ZNF638: variants seen among roughly 807,000 people sequenced by gnomAD.
ZNF638 encodes CTCL tumor antigen se33-1.
In ZNF638, 46 loss-of-function variants were observed where a neutral mutation model predicts 195.6. The ratio of observed to expected loss-of-function variants is 0.24; its 90% CI spans 0.19 to 0.30. The LOEUF is 0.30. ZNF638 is among the 10% of genes least tolerant of loss of function. The pLI is 1.00. For missense variants in ZNF638, 2,440 were observed against 2,325.3 expected, an observed-to-expected ratio of 1.05 and a Z score of -1.01; for synonymous variants, 845 against 772.0, an observed-to-expected ratio of 1.09 and a Z score of -1.57.
chr2:71,368,435 A>G lies in ZNF638; in HGVS notation c.2049A>G (p.Leu683=). 1.9e-5 allele frequency: 30 copies of G among 1,613,662 alleles called. No individual in the cohort carries two copies. Among genetic ancestry groups the G allele is most frequent in the Non-Finnish European group, 2.5e-5 (30 of 1,179,774 alleles). Residue 683 remains leucine, a synonymous_variant, in exon 7 of 28, where the codon TTA becomes TTG. Transcript: ENST00000264447. ...GTTCGGTTCTTCTTATAACTGAATTACCAGAGGATGGTTGTACTGAAGAAG... is the reference window on the plus strand; with the variant it reads ...GTTCGGTTCTTCTTATAACTGAATTGCCAGAGGATGGTTGTACTGAAGAAG... ...HYGSVLLITE[L]PEDGCTEEDV...
In ZNF638 at chr2:71,383,781, T is replaced by TTTTA. The variant is rs1491474933; in HGVS notation, c.2377+3216_2377+3217insTTTA. 1.8e-5 allele frequency among the ~76,000 whole-genome samples: 2 copies of TTTTA among 108,112 alleles called. 1 individual carries two copies. 70.9% of individuals were successfully genotyped at this position (108,112 alleles called of 152,430 possible). ...CTTTTTCTTTTTTTTTTTTTTTTTT[T>TTTTA]AGTAGAGATGGGGTTTCACCTTGTT... is the stretch of plus-strand genomic sequence containing the variant. On this transcript the variant is annotated intron_variant, in intron 10 of 27. Coordinates refer to ENST00000264447, the MANE Select transcript of ZNF638 (RefSeq NM_014497.5).
In ZNF638 at chr2:71,396,142, C is replaced by A; in HGVS notation, c.2379C>A (p.Ala793=). The A allele has an allele frequency of 6.2e-7, 1 of 1,612,352 alleles. No individual in the cohort carries two copies. Among genetic ancestry groups the A allele is most frequent in the South Asian group, 1.1e-5 (1 of 90,602 alleles). ...TAAATGTTTTTCTTGTTGTTTTAGC[C>A]AAAACTGGACAAGCCAAGGCATCTG... The part of the protein sequence containing the change: ...AVEIVTSTSA[A]KTGQAKASVA... The change falls in exon 11 of 28, where the codon GCC becomes GCA. Residue 793 remains alanine (A), a splice_region_variant and synonymous_variant. Coordinates refer to ENST00000264447, the MANE Select transcript of ZNF638 (RefSeq NM_014497.5).
At chr2:71,384,039 G>C (rs2079588512) in intron 10 of ZNF638, among the ~76,000 whole-genome samples, 1 of 152,096 alleles carries the variant, frequency 6.6e-6, no homozygotes, top group South Asian at 2.1e-4. Context: ...CGGTAGAGTA[G>C]TTCTTAACCC....
chr2:71,339,179 A>G (rs2078722404), intron 1 of ZNF638, among the ~76,000 whole-genome samples: 2 of 141,566 alleles, frequency 1.4e-5, no homozygotes, highest in South Asian at 2.2e-4. Context: ...ATTGAGACGG[A>G]GTCTCACTTG....
intron 10 of ZNF638, chr2:71,380,923 C>G (rs1323855216): frequency 1.3e-5 from 2 of 157,612 alleles, no homozygotes; most frequent in African/African-American, 4.8e-5. Context: ...GAATGCTTAT[C>G]TGGTCCTCTT....
intron 21 of ZNF638, among the ~76,000 whole-genome samples, chr2:71,420,616 G>A (rs1326212821): frequency 2.0e-5 from 3 of 152,174 alleles, no homozygotes; most frequent in African/African-American, 7.2e-5. Flanking sequence ...TATTGGGGCT[G>A]GAGGGAGGAG....
At chr2:71,365,209 A>G (rs574350722) in intron 5 of ZNF638, among the ~76,000 whole-genome samples, 12 of 152,312 alleles carry the variant, frequency 7.9e-5, no homozygotes, top group East Asian at 1.9e-4. Flanking sequence ...GTAGTCTTCA[A>G]TAAGTGTAAA....
chr2:71,351,211 G>T (rs7583716), intron 2 of ZNF638, among the ~76,000 whole-genome samples: 39,958 of 152,088 alleles, frequency 0.26, 6,907 homozygotes, highest in African/African-American at 0.49. Context: ...AAAAATCTGT[G>T]TGTTAACGCT....
intron 14 of ZNF638, 148 bp downstream of exon 14, chr2:71,400,328 A>C (rs974949579): frequency 5.8e-6 from 6 of 1,041,094 alleles, no homozygotes; most frequent in Non-Finnish European, 6.9e-6. Flanking sequence ...ATTTTTTAAA[A>C]GCCAATGTCA....
chr2:71,417,904 T>C (rs987048875), intron 20 of ZNF638, among the ~76,000 whole-genome samples: 3 of 152,206 alleles, frequency 2.0e-5, no homozygotes, highest in Non-Finnish European at 4.4e-5. Context: ...GTTTTTAGTC[T>C]GACAAAATCT....
chr2:71,387,745 C>CT, intron 10 of ZNF638, among the ~76,000 whole-genome samples: 1 of 151,908 alleles, frequency 6.6e-6, no homozygotes, highest in African/African-American at 2.4e-5. Flanking sequence ...TAACAGTATT[C>CT]TTTAAGTGTG....
At chr2:71,339,168 T>TG (rs1553464106) in intron 1 of ZNF638, among the ~76,000 whole-genome samples, 1 of 124,516 alleles carries the variant, frequency 8.0e-6, no homozygotes, top group African/African-American at 2.7e-5. Context: ...TTTTTTTTTT[T>TG]ATTGAGACGG....
chr2:71,385,368 A>G (rs1339024757), intron 10 of ZNF638, among the ~76,000 whole-genome samples: 1 of 152,234 alleles, frequency 6.6e-6, no homozygotes, highest in Non-Finnish European at 1.5e-5. Flanking sequence ...TAATTGCCCC[A>G]AACTGGAAAC....
intron 10 of ZNF638, among the ~76,000 whole-genome samples, chr2:71,392,893 G>A (rs1435733236): frequency 6.6e-6 from 1 of 152,194 alleles, no homozygotes; most frequent in African/African-American, 2.4e-5. Flanking sequence ...ATATGTACAT[G>A]TATCCATTGA....
chr2:71,338,342 C>T (rs1231082507), intron 1 of ZNF638, among the ~76,000 whole-genome samples: 1 of 152,192 alleles, frequency 6.6e-6, no homozygotes, highest in Non-Finnish European at 1.5e-5. Context: ...CCTTCTTCCG[C>T]ATTGATTAAT....
At chr2:71,339,468 T>C (rs1322373459) in intron 1 of ZNF638, among the ~76,000 whole-genome samples, 1 of 152,168 alleles carries the variant, frequency 6.6e-6, no homozygotes, top group Non-Finnish European at 1.5e-5. Context: ...GTATATTTAA[T>C]TGAAGATTTT....
chr2:71,357,227 A>G (rs1480504452), intron 3 of ZNF638, among the ~76,000 whole-genome samples: 1 of 152,070 alleles, frequency 6.6e-6, no homozygotes, highest in Non-Finnish European at 1.5e-5. Context: ...TTAGTTGTCC[A>G]TCCCTAAACA....
chr2:71,399,130 CT>C (rs998395520), intron 12 of ZNF638, among the ~76,000 whole-genome samples: 2 of 152,000 alleles, frequency 1.3e-5, no homozygotes, highest in African/African-American at 4.8e-5. Flanking sequence ...ATGCTTGTTA[CT>C]TTTAAAAAGG....
Position 71,365,593 on chromosome 2 carries a change from A to C in ZNF638, c.1882A>C (p.Ser628Arg), listed in dbSNP as rs34205800. Residue 628 changes from serine (S) to arginine (R), a missense_variant, in exon 6 of 28, where the codon AGT (serine) becomes CGT (arginine). Ser to Arg is a moderately radical substitution (Grantham distance 110). Around this residue, in one of 5 missense-constraint regions of ZNF638, gnomAD observed 1,883 missense variants for 1,739.1 expected, o/e 1.08. Transcript: ENST00000264447. ...PSVKPTSATK[S>R]DSNLGGHSIR... Reference sequence around the variant, plus strand: ...AGTTAAACCTACAAGCGCTACAAAGAGTGATTCAAATCTAGGAGGACATTC... The same window carrying C: ...AGTTAAACCTACAAGCGCTACAAAGCGTGATTCAAATCTAGGAGGACATTC... 1.9e-6 allele frequency: 3 copies of C among 1,614,184 alleles called. No individual in the cohort carries two copies. The highest frequency in any genetic ancestry group is 2.5e-6 in the Non-Finnish European group (3 of 1,180,024).
Sources: allele counts gnomAD v4.1 joint callset (sites outside exome capture counted in the v4.1 genomes callset), GRCh38; gene constraint gnomAD v4.1.1; regional missense constraint gnomAD v4.1.1; transcripts MANE v1.5; gene names NCBI Gene and HGNC (gene_info 2026-07-23, HGNC 2026-07-21).